The following DMD variants were observed in gnomAD, a reference collection of about 807,000 sequenced individuals.
DMD encodes dystrophin, also known as mutant dystrophin.
Under a neutral mutation model 330.1 loss-of-function variants are expected in DMD, and 63 were observed. The observed-to-expected ratio is 0.19, with a 90% CI of 0.16 to 0.24. DMD has a LOEUF of 0.24. Among genes scored for constraint, DMD ranks in the 10% least tolerant of loss-of-function variants. The pLI is 1.00. For synonymous variants in DMD, 1,223 were observed against 959.8 expected, an observed-to-expected ratio of 1.27 and a Z score of -5.07; for missense variants, 3,344 against 2,684.1, an observed-to-expected ratio of 1.25 and a Z score of -5.43.
chrX:32,789,855 T>C (rs1313662803), intron 7 of DMD, among the ~76,000 whole-genome samples: 1 of 112,250 alleles, frequency 8.9e-6, no homozygotes, highest in Non-Finnish European at 1.9e-5. Flanking sequence ...GAAAAATCTT[T>C]GCAGGGGAAA....
chrX:32,396,363 G>C (rs759942255), intron 30 of DMD, among the ~76,000 whole-genome samples: 1 of 111,328 alleles, frequency 9.0e-6, no homozygotes, highest in Admixed American at 9.6e-5. Context: ...ATAAAAGTGA[G>C]ACTTTTATCA....
At chrX:32,042,066 TGTACACATATATACACACACAC>T (rs2096010765) in intron 44 of DMD, among the ~76,000 whole-genome samples, 5 of 55,190 alleles carry the variant, frequency 9.1e-5, no homozygotes, top group South Asian at 9.0e-4. Context: ...TATATATATA[TGTACACATATATACACACACAC>T]ATATGTATAC....
At chrX:31,229,074 TG>T (rs1015394346) in intron 63 of DMD, among the ~76,000 whole-genome samples, 23 of 112,231 alleles carry the variant, frequency 2.0e-4, no homozygotes, top group Admixed American at 1.8e-3. Flanking sequence ...TTCTTGACTT[TG>T]GTAAGTATTT....
chrX:31,291,409 T>TATTC (rs1350078963), intron 62 of DMD, among the ~76,000 whole-genome samples: 2 of 112,042 alleles, frequency 1.8e-5, no homozygotes, highest in African/African-American at 6.5e-5. Flanking sequence ...ACGGCACATG[T>TATTC]ATTCTATAGT....
intron 16 of DMD, among the ~76,000 whole-genome samples, chrX:32,561,686 T>A (rs747651747): frequency 9.0e-6 from 1 of 110,946 alleles, no homozygotes; most frequent in East Asian, 2.9e-4. Context: ...AGCCCAACAT[T>A]CAAATTCAGG....
At chrX:32,717,455 GTTGAGGC>G (rs2065847578) in intron 7 of DMD, among the ~76,000 whole-genome samples, 1 of 111,952 alleles carries the variant, frequency 8.9e-6, no homozygotes, top group South Asian at 3.7e-4. Flanking sequence ...GAGTGTGAGA[GTTGAGGC>G]TTGAGAGCAT....
intron 44 of DMD, among the ~76,000 whole-genome samples, chrX:31,975,566 G>A (rs1018033058): frequency 5.4e-5 from 6 of 111,610 alleles, no homozygotes; most frequent in African/African-American, 2.0e-4. Context: ...AAGTGATCCT[G>A]GTTATAGAAC....
rs1694145059 is a variant in DMD, at chrX:32,849,659, A to G, written c.186+69T>C. 7 of 806,954 alleles carry G rather than the reference A, an allele frequency of 8.7e-6. No homozygotes were observed. The Admixed American group carries it at 9.1e-5, about 10-fold the overall frequency. The allele number at this position is 806,954 out of a possible 1,213,427, so 66.5% of individuals were successfully genotyped here. A position where few individuals can be genotyped will look rare whatever the true frequency, so the allele number is the denominator to read the frequency against. On this transcript the variant is annotated intron_variant, in intron 3 of 78. Coordinates refer to ENST00000357033, the MANE Select transcript of DMD (RefSeq NM_004006.3). Reference sequence around the variant, plus strand: ...TCATTCTACTAGATGTCATAAAACTATGTTGTCAGTTTCTGGTCTGAAATT... The same window carrying G: ...TCATTCTACTAGATGTCATAAAACTGTGTTGTCAGTTTCTGGTCTGAAATT...
chrX:31,714,043 A>G (rs1330507581), intron 52 of DMD, among the ~76,000 whole-genome samples: 1 of 111,841 alleles, frequency 8.9e-6, no homozygotes, highest in Non-Finnish European at 1.9e-5. Flanking sequence ...AGACTTACAC[A>G]TTTATAAAAA....
At chrX:32,752,666 GC>G (rs1248412327) in intron 7 of DMD, among the ~76,000 whole-genome samples, 2 of 107,957 alleles carry the variant, frequency 1.9e-5, no homozygotes, top group Admixed American at 1.0e-4. Context: ...TTTGGGAGGG[GC>G]CGGGGGTGGA....
rs1556834806 is a variant in DMD at position 32,595,813 on chromosome X, C to T, written c.1546G>A (p.Val516Ile). The T allele has an allele frequency of 1.7e-6, 2 of 1,204,056 alleles. No individual in the cohort carries two copies. Among genetic ancestry groups the T allele is most frequent in the Non-Finnish European group, 2.3e-6 (2 of 888,546 alleles). ...RVNSLTHMVV[V>I]VDESSGDHAT... Reference sequence around the variant, plus strand: ...TGATCTCCACTAGATTCATCAACTACCACCACCATGTGAGTGAGAGAATTG... The same window carrying T: ...TGATCTCCACTAGATTCATCAACTATCACCACCATGTGAGTGAGAGAATTG... The change falls in exon 13 of 79, where the codon GTA (valine) becomes ATA (isoleucine). Residue 516 changes from valine to isoleucine, a missense_variant. Val to Ile is a conservative substitution (Grantham distance 29). Transcript: ENST00000357033.
intron 1 of DMD, among the ~76,000 whole-genome samples, chrX:33,181,873 G>T (rs917805939): frequency 1.8e-5 from 2 of 111,424 alleles, no homozygotes; most frequent in African/African-American, 6.5e-5. Context: ...TGCTTTTGAC[G>T]GCCAACCCAG....
intron 1 of DMD, among the ~76,000 whole-genome samples, chrX:33,238,569 T>C (rs950423232): frequency 9.0e-6 from 1 of 111,366 alleles, no homozygotes; most frequent in African/African-American, 3.3e-5. Flanking sequence ...CTAGTATTTC[T>C]AAATTCACAT....
At chrX:33,029,476 C>T (rs923064148) in intron 1 of DMD, among the ~76,000 whole-genome samples, 4 of 111,642 alleles carry the variant, frequency 3.6e-5, no homozygotes, top group African/African-American at 9.8e-5. Flanking sequence ...CCACTGCAAA[C>T]GCCACTTCTT....
Position 31,760,590 on chromosome X carries a change from A to G in DMD, c.7542+13370T>C, listed in dbSNP as rs954231894. On this transcript the variant is annotated intron_variant, in intron 51 of 78. Coordinates refer to ENST00000357033, the MANE Select transcript of DMD (RefSeq NM_004006.3). ...AGGCTATACCATACAACCTAGATGT[A>G]TAGTAGGATGTACCATCTAGGTTTG... Among the ~76,000 whole-genome samples, 5 of 111,891 alleles carry G rather than the reference A, an allele frequency of 4.5e-5. No homozygotes were observed. The Admixed American group carries it at 4.7e-4, about 11-fold the overall frequency.
rs776505950 is a variant in DMD at position 32,426,813 on chromosome X, G to A, written c.4071+11428C>T. 3.6e-5 allele frequency among the ~76,000 whole-genome samples: 4 copies of A among 111,654 alleles called. No individual in the cohort carries two copies. In the South Asian group the frequency reaches 1.5e-3, roughly 42 times the overall value. On this transcript the variant is annotated intron_variant, in intron 29 of 78. Transcript: ENST00000357033. ...GAGTTCGTGTCCTTTGCAGGAACAT[G>A]GAGGGAGCTGGAGACCATTCTACTT...
chrX:32,753,710 T>C (rs113202331), intron 7 of DMD, among the ~76,000 whole-genome samples: 72 of 112,507 alleles, frequency 6.4e-4, no homozygotes, highest in African/African-American at 2.3e-3. Flanking sequence ...TACTATACTT[T>C]GTATCATATT....
intron 17 of DMD, among the ~76,000 whole-genome samples, chrX:32,519,754 G>A (rs2046241221): frequency 8.9e-6 from 1 of 111,991 alleles, no homozygotes; most frequent in South Asian, 3.7e-4. Context: ...TTGAACTCCA[G>A]TTTTGGGACT....
chrX:33,141,092 T>C lies in DMD; in HGVS notation c.31+70190A>G, dbSNP rs1039947578. 2.7e-5 allele frequency among the ~76,000 whole-genome samples: 3 copies of C among 111,982 alleles called. No individual in the cohort carries two copies. The Admixed American group carries it at 2.9e-4, about 11-fold the overall frequency. On this transcript the variant is annotated intron_variant, in intron 1 of 78. Transcript: ENST00000357033. ...CCTAAAATGTAAGTAGTTCTTTTCCTAATTTCCAAAATTAAGAGAGGCAGA... is the reference window on the plus strand; with the variant it reads ...CCTAAAATGTAAGTAGTTCTTTTCCCAATTTCCAAAATTAAGAGAGGCAGA...
Sources: allele counts gnomAD v4.1 joint callset (sites outside exome capture counted in the v4.1 genomes callset), GRCh38; gene constraint gnomAD v4.1.1; transcripts MANE v1.5; gene names NCBI Gene and HGNC (gene_info 2026-07-23, HGNC 2026-07-21).